LTBP1: variants seen among roughly 807,000 people sequenced by gnomAD.
LTBP1 encodes latent transforming growth factor beta binding protein 1.
Under a neutral mutation model 207.6 loss-of-function variants are expected in LTBP1, and 129 were observed. The ratio of observed to expected loss-of-function variants is 0.62; its 90% CI spans 0.54 to 0.72. The LOEUF is 0.72. LTBP1 is among the 30% of genes least tolerant of loss of function. The pLI is 0.00. For missense variants in LTBP1, 2,281 were observed against 2,217.2 expected, an observed-to-expected ratio of 1.03 and a Z score of -0.58; for synonymous variants, 963 against 833.7, an observed-to-expected ratio of 1.16 and a Z score of -2.67.
At chr2:33,277,769 C>CT (rs751342453) in intron 18 of LTBP1, among the ~76,000 whole-genome samples, 99 of 42,646 alleles carry the variant, frequency 2.3e-3, no homozygotes, top group African/African-American at 6.7e-3. Context: ...CCCTTTCTTT[C>CT]TTTCTTTCTT....
At chr2:33,372,105 C>T (rs1278508137) in intron 31 of LTBP1, among the ~76,000 whole-genome samples, 2 of 152,134 alleles carry the variant, frequency 1.3e-5, no homozygotes, top group Admixed American at 1.3e-4. Context: ...GAATACTACC[C>T]CTCCTTTTTC....
chr2:33,159,946 A>G (rs944124742), intron 5 of LTBP1, among the ~76,000 whole-genome samples: 4 of 152,080 alleles, frequency 2.6e-5, no homozygotes, highest in African/African-American at 9.7e-5. Flanking sequence ...CAGTGGCGCA[A>G]TCTCTGCTCA....
At chr2:33,034,997 A>G (rs1329786645) in intron 3 of LTBP1, among the ~76,000 whole-genome samples, 1 of 152,188 alleles carries the variant, frequency 6.6e-6, no homozygotes, top group Non-Finnish European at 1.5e-5. Flanking sequence ...CTCCACTGGA[A>G]TATGTCATTT....
chr2:33,341,496 G>C (rs915259547), intron 24 of LTBP1, among the ~76,000 whole-genome samples: 2 of 152,006 alleles, frequency 1.3e-5, no homozygotes, highest in East Asian at 3.9e-4. Context: ...CAGATCACGA[G>C]GTCAGGAGAT....
At chr2:33,008,574 C>T (rs1311944235) in intron 2 of LTBP1, among the ~76,000 whole-genome samples, 1 of 152,184 alleles carries the variant, frequency 6.6e-6, no homozygotes, top group Non-Finnish European at 1.5e-5. Context: ...GTCTATTTGC[C>T]TTCCAGCCCT....
rs548544747 is a variant in LTBP1 at position 33,147,581 on chromosome 2, C to CA, written c.1201+12623dup. On this transcript the variant is annotated intron_variant, in intron 5 of 33. Coordinates refer to ENST00000404816, the MANE Select transcript of LTBP1 (RefSeq NM_206943.4). ...TGATTTATAAATGCCAAAAGAGACT[C>CA]AACCATATCATCAAATATGTTAACC... Among the ~76,000 whole-genome samples the CA allele has an allele frequency of 2.6e-4, 40 of 152,348 alleles. No homozygotes were observed. The South Asian group carries it at 6.8e-3, about 26-fold the overall frequency.
At chr2:33,341,729 A>AATATATAT (rs56171359) in intron 24 of LTBP1, among the ~76,000 whole-genome samples, 4,019 of 93,434 alleles carry the variant, frequency 0.043, 142 homozygotes, top group African/African-American at 0.06. Flanking sequence ...AAAAAAAAAA[A>AATATATAT]ATATATATAT....
At chr2:33,325,138 C>CA (rs1559014363) in intron 24 of LTBP1, among the ~76,000 whole-genome samples, 2 of 152,128 alleles carry the variant, frequency 1.3e-5, no homozygotes, top group African/African-American at 2.4e-5. Context: ...CATTCACCCA[C>CA]AAAGTAGTTC....
chr2:33,213,699 C>T (rs908754334), intron 7 of LTBP1, among the ~76,000 whole-genome samples: 2 of 152,118 alleles, frequency 1.3e-5, no homozygotes, highest in Non-Finnish European at 2.9e-5. Context: ...CACATCGAAG[C>T]CTCTTCATAG....
chr2:33,066,904 C>A (rs1381877314), intron 3 of LTBP1, among the ~76,000 whole-genome samples: 1 of 152,182 alleles, frequency 6.6e-6, no homozygotes, highest in African/African-American at 2.4e-5. Context: ...GTTTAAGACT[C>A]TTCTAAGCCT....
At chr2:33,057,394 C>T (rs178131) in intron 3 of LTBP1, among the ~76,000 whole-genome samples, 8 of 152,030 alleles carry the variant, frequency 5.3e-5, no homozygotes, top group Non-Finnish European at 1.2e-4. Flanking sequence ...GGCCGCAGGT[C>T]GAGCTGCCTG....
chr2:33,130,121 T>G (rs1406842528), intron 4 of LTBP1, among the ~76,000 whole-genome samples: 1 of 152,250 alleles, frequency 6.6e-6, no homozygotes, highest in African/African-American at 2.4e-5. Flanking sequence ...TTTTTATGAT[T>G]TGTCCTTCAA....
Position 33,150,733 on chromosome 2 carries a change from T to G in LTBP1, c.1201+15773T>G, listed in dbSNP as rs1423098794. ...TTCTTTTTTTTTTTTTTTTTTTTTT[T>G]TTTGAGACAGAGTCTCGCTCTGTTG... On this transcript the variant is annotated intron_variant, in intron 5 of 33. Transcript: ENST00000404816. 6.0e-5 allele frequency among the ~76,000 whole-genome samples: 8 copies of G among 132,964 alleles called. No homozygotes were observed. In the East Asian group the frequency reaches 6.5e-4, roughly 11 times the overall value. The allele number at this position is 132,964 out of a possible 152,430, so 87.2% of individuals were successfully genotyped here. A position where few individuals can be genotyped will look rare whatever the true frequency, so the allele number is the denominator to read the frequency against.
At chr2:32,964,355 G>A (rs1051260826) in intron 2 of LTBP1, among the ~76,000 whole-genome samples, 5 of 152,148 alleles carry the variant, frequency 3.3e-5, no homozygotes, top group Non-Finnish European at 7.4e-5. Flanking sequence ...TCCCCATTAT[G>A]CATCTTTTCT....
Position 33,257,324 on chromosome 2 carries a change from G to A in LTBP1, c.2208G>A (p.Thr736=), listed in dbSNP as rs141233701. 27 of 1,614,040 alleles carry A rather than the reference G, an allele frequency of 1.7e-5. No homozygotes were observed. In the African/African-American group the frequency reaches 1.7e-4, roughly 10 times the overall value. ...KEICPGGMGY[T]VSGVHRRRPI... is the part of the protein sequence containing the mutation. ...TCTGTCCTGGTGGAATGGGTTATACGGTTTCTGGCGTTCATAGACGCAGGC... is the reference window on the plus strand; with the variant it reads ...TCTGTCCTGGTGGAATGGGTTATACAGTTTCTGGCGTTCATAGACGCAGGC... The change falls in exon 12 of 34, where the codon ACG becomes ACA. Residue 736 remains threonine (T), a synonymous_variant. Transcript: ENST00000404816.
Position 33,300,550 on chromosome 2 carries a change from C to A in LTBP1, c.3335C>A (p.Ser1112Ter). ...RCTCGQGYQLSAAKDQCEDID... is the reference protein window; with the variant it reads ...RCTCGQGYQL ...ACCTGTGGACAGGGGTACCAGCTGTCGGCAGCTAAAGACCAGTGTGAAGGT... is the reference window on the plus strand; with the variant it reads ...ACCTGTGGACAGGGGTACCAGCTGTAGGCAGCTAAAGACCAGTGTGAAGGT... The change falls in exon 21 of 34, where the codon TCG becomes TAG. Residue 1112 changes from serine to a stop codon, truncating the protein, a stop_gained. Coordinates refer to ENST00000404816, the MANE Select transcript of LTBP1 (RefSeq NM_206943.4). LOFTEE classifies it high-confidence loss of function. 1 of 1,613,334 alleles carries A rather than the reference C, an allele frequency of 6.2e-7. No homozygotes were observed. The highest frequency in any genetic ancestry group is 1.1e-5 in the South Asian group (1 of 91,000).
chr2:33,327,144 T>C (rs989178548), intron 24 of LTBP1, among the ~76,000 whole-genome samples: 7 of 152,158 alleles, frequency 4.6e-5, no homozygotes, highest in Non-Finnish European at 1.0e-4. Context: ...AGATAGACTC[T>C]GGGAAGGGGG....
intron 2 of LTBP1, among the ~76,000 whole-genome samples, chr2:32,972,052 T>C (rs1680955267): frequency 6.6e-6 from 1 of 152,092 alleles, no homozygotes; most frequent in Non-Finnish European, 1.5e-5. Context: ...CAGGAATGTA[T>C]CTATTTCTTG....
intron 24 of LTBP1, among the ~76,000 whole-genome samples, chr2:33,324,410 A>G (rs1033211924): frequency 5.3e-5 from 8 of 152,120 alleles, no homozygotes; most frequent in African/African-American, 1.9e-4. Context: ...ATGTATATAT[A>G]TGGAAAAAAA....
Sources: gnomAD v4.1 joint callset for allele counts (sites outside exome capture counted in the v4.1 genomes callset) on GRCh38, gnomAD v4.1.1 for gene constraint, MANE v1.5 for transcripts, NCBI Gene and HGNC (gene_info 2026-07-23, HGNC 2026-07-21) for gene names.